Variants in GTF3C1 observed in about 807,000 individuals in gnomAD.
The protein encoded by GTF3C1 is general transcription factor 3C polypeptide 1.
A neutral mutation model predicts 226.7 loss-of-function variants in GTF3C1; 57 were observed. The ratio of observed to expected loss-of-function variants is 0.25; its 90% CI spans 0.20 to 0.31. GTF3C1 has a LOEUF of 0.31. GTF3C1 is among the 10% of genes least tolerant of loss of function. The pLI is 1.00. For synonymous variants in GTF3C1, 1,090 were observed against 1,084.8 expected (o/e 1.00, Z -0.09); for missense variants, 2,217 against 2,776.1 (o/e 0.80, Z 4.53).
chr16:27,549,795 C>T lies in GTF3C1; in HGVS notation c.96G>A (p.Val32=). 1 of 1,612,908 alleles carries T rather than the reference C, an allele frequency of 6.2e-7. No homozygotes were observed. The highest frequency in any genetic ancestry group is 8.5e-7 in the Non-Finnish European group (1 of 1,179,804). Residue 32 remains valine, a synonymous_variant, in exon 1 of 37, where the codon GTG becomes GTA. Coordinates refer to ENST00000356183, the MANE Select transcript of GTF3C1 (RefSeq NM_001520.4). ...GTTCCAAAGGCAGCGGGAAGGGCGG[C>T]ACTCGCGTCTCCAGCCGGCTCCACA... is the stretch of plus-strand genomic sequence containing the variant. ...PALWSRLETR[V]PPFPLPLEPC...
rs143407526 is a variant in GTF3C1, at chr16:27,461,669, C to A, written c.6118-107G>T. Reference sequence around the variant, plus strand: ...CCCCTCTGTACCAGGGAGCCACTTCCCAGAGCAGGGGGCACCTGAACTGGG... The same window carrying A: ...CCCCTCTGTACCAGGGAGCCACTTCACAGAGCAGGGGGCACCTGAACTGGG... On this transcript the variant is annotated intron_variant, in intron 36 of 36. Transcript: ENST00000356183. This position sits in a 1 kb window ranked among gnomAD's most constrained non-coding sequence, Gnocchi z 5.3. 89 of 829,326 alleles carry A rather than the reference C, an allele frequency of 1.1e-4. 1 individual carries two copies. Among genetic ancestry groups the A allele is most frequent in the South Asian group, 7.3e-4 (46 of 63,398 alleles). The allele number at this position is 829,326 out of a possible 1,614,324, so 51.4% of individuals were successfully genotyped here.
chr16:27,484,157 C>G, intron 25 of GTF3C1, 54 bp downstream of exon 25: 3 of 1,366,890 alleles, frequency 2.2e-6, no homozygotes, highest in Non-Finnish European at 3.1e-6. Flanking sequence ...GACTCTTAAG[C>G]AAACGGGATA....
rs765846551 is a variant in GTF3C1, at chr16:27,489,160, C to T, written c.3312G>A (p.Val1104=). The stretch of plus-strand genomic sequence containing the variant: ...CATCTCCAGGGATCAAGCCTTCATC[C>T]ACCACCTCACGGCTTCCACTAAAAG... ...LEYTTGSREV[V]DEGLIPGDGL... The change falls in exon 21 of 37, where the codon GTG becomes GTA. Residue 1104 remains valine, a synonymous_variant. Transcript: ENST00000356183. The T allele has an allele frequency of 1.2e-5, 19 of 1,614,042 alleles. No individual in the cohort carries two copies. In the Middle Eastern group the frequency reaches 1.2e-3, roughly 98 times the overall value.
Position 27,498,440 on chromosome 16 carries a change from C to CT in GTF3C1, c.2165+189dup, listed in dbSNP as rs372551488. On this transcript the variant is annotated intron_variant, in intron 13 of 36. Transcript: ENST00000356183. Reference sequence around the variant, plus strand: ...TCAGACAGAATAAAGACCATTAGGACTTTTTTTTTCCCCCTAAAGAATCCT... The same window carrying CT: ...TCAGACAGAATAAAGACCATTAGGACTTTTTTTTTTCCCCCTAAAGAATCCT... 5.9e-5 allele frequency among the ~76,000 whole-genome samples: 9 copies of CT among 151,872 alleles called. No individual in the cohort carries two copies. The South Asian group carries it at 1.3e-3, about 21-fold the overall frequency.
intron 6 of GTF3C1, among the ~76,000 whole-genome samples, chr16:27,519,067 A>C (rs1002793401): frequency 2.0e-5 from 3 of 152,150 alleles, no homozygotes; most frequent in African/African-American, 4.8e-5. Flanking sequence ...TTTGGAAATG[A>C]GAAAGAGACA....
Position 27,471,935 on chromosome 16 carries a change from G to A in GTF3C1, c.4354-15C>T, listed in dbSNP as rs12933827. On this transcript the variant is annotated splice_polypyrimidine_tract_variant and intron_variant, in intron 29 of 36. Coordinates refer to ENST00000356183, the MANE Select transcript of GTF3C1 (RefSeq NM_001520.4). The surrounding 1 kb of genome is among the most constrained non-coding windows in gnomAD (Gnocchi z 5.0). ...AGGCGGAAAGTCTGCAACACAGGGC[G>A]GCGAGGGTGAGTAGGGTTCTCCAGC... 0.022 allele frequency: 35,278 copies of A among 1,612,612 alleles called. 465 individuals carry two copies. Among genetic ancestry groups the A allele is most frequent in the Non-Finnish European group, 0.025 (29,957 of 1,178,732 alleles).
intron 6 of GTF3C1, among the ~76,000 whole-genome samples, chr16:27,516,938 A>C (rs1401558591): frequency 6.6e-6 from 1 of 152,168 alleles, no homozygotes; most frequent in East Asian, 1.9e-4. Context: ...AGCCTGGTGC[A>C]CATCTTTCCT....
chr16:27,514,298 G>T (rs901155283), intron 6 of GTF3C1, among the ~76,000 whole-genome samples: 9 of 152,294 alleles, frequency 5.9e-5, no homozygotes, highest in Non-Finnish European at 1.0e-4. Context: ...TGTGCTCCAG[G>T]CCCCTGCCCT....
At chr16:27,549,533 C>A in intron 1 of GTF3C1, 137 bp downstream of exon 1, 2 of 624,776 alleles carry the variant, frequency 3.2e-6, no homozygotes, top group Non-Finnish European at 5.6e-6. Flanking sequence ...ATTAGCCTTA[C>A]CGCCGTGCCC....
chr16:27,486,025 C>T lies in GTF3C1; in HGVS notation c.3830G>A (p.Arg1277His), dbSNP rs753839045. 3.1e-5 allele frequency: 50 copies of T among 1,610,314 alleles called. No homozygotes were observed. The highest frequency in any genetic ancestry group is 3.8e-5 in the Non-Finnish European group (45 of 1,177,742). The part of the protein sequence containing the change: ...MQEDGLLVLC[R>H]IASNVLNTKV... ...GGTGTTGAGGACATTGCTGGCAATG[C>T]GGCACAGCACAAGCAGCCCATCCTC... is the stretch of plus-strand genomic sequence containing the variant. The change falls in exon 24 of 37, where the codon CGC becomes CAC. Residue 1277 changes from arginine (R) to histidine (H), a missense_variant. By Grantham distance (29) the Arg-to-His change is conservative. Coordinates refer to ENST00000356183, the MANE Select transcript of GTF3C1 (RefSeq NM_001520.4).
At chr16:27,481,331 C>G (rs2088043579) in intron 26 of GTF3C1, 140 bp from the exon 27 acceptor site, 1 of 678,932 alleles carries the variant, frequency 1.5e-6, no homozygotes, top group Non-Finnish European at 2.6e-6. Flanking sequence ...CTCCCCTGGT[C>G]ACCTGTCATC....
In GTF3C1 at chr16:27,499,835, C is replaced by T. The variant is rs2088378303; in HGVS notation, c.2062-1102G>A. On this transcript the variant is annotated intron_variant, in intron 12 of 36. Transcript: ENST00000356183. ...ACGCACCAGCTCCAGCTCACATGGC[C>T]CCAGCAGATCAAAGGCTGCCAGCAG... Among the ~76,000 whole-genome samples the T allele has an allele frequency of 2.6e-5, 4 of 152,280 alleles. 1 individual carries two copies. Among genetic ancestry groups the T allele is most frequent in the Admixed American group, 2.6e-4 (4 of 15,288 alleles).
intron 6 of GTF3C1, among the ~76,000 whole-genome samples, chr16:27,520,454 C>T (rs1341287226): frequency 6.6e-6 from 1 of 151,684 alleles, no homozygotes; most frequent in African/African-American, 2.4e-5. Context: ...TTTTCTACTT[C>T]CCCCCACTCC....
At chr16:27,483,541 T>C (rs562771949) in intron 25 of GTF3C1, 1 of 455,714 alleles carries the variant, frequency 2.2e-6, no homozygotes, top group African/African-American at 2.0e-5. Flanking sequence ...CCACTAACCT[T>C]CACATCTCCA....
intron 1 of GTF3C1, among the ~76,000 whole-genome samples, chr16:27,547,396 T>A (rs1205339340): frequency 6.6e-6 from 1 of 152,154 alleles, no homozygotes; most frequent in Non-Finnish European, 1.5e-5. Flanking sequence ...TGAAGCTAAA[T>A]GTGTCACATG....
At chr16:27,477,470 A>G (rs930723830) in intron 28 of GTF3C1, among the ~76,000 whole-genome samples, 1 of 151,968 alleles carries the variant, frequency 6.6e-6, no homozygotes, top group African/African-American at 2.4e-5. Context: ...CGCCCAGCTA[A>G]TTTTTGTATT....
At chr16:27,514,413 T>C (rs981040214) in intron 6 of GTF3C1, among the ~76,000 whole-genome samples, 1 of 152,046 alleles carries the variant, frequency 6.6e-6, no homozygotes, top group African/African-American at 2.4e-5. Flanking sequence ...GAGCAAGAAC[T>C]ATCTGAAGGC....
rs138121569 is a variant in GTF3C1 at position 27,506,884 on chromosome 16, C to T, written c.1515G>A (p.Arg505=). 63 of 1,612,712 alleles carry T rather than the reference C, an allele frequency of 3.9e-5. No individual in the cohort carries two copies. The African/African-American group carries it at 7.9e-4, about 20-fold the overall frequency. Residue 505 remains arginine (R), a synonymous_variant, in exon 9 of 37, where the codon CGG becomes CGA. Transcript: ENST00000356183. ...QKDTRASANL[R]PKTQPHHSTP... ...TGGAGTGATGAGGCTGGGTCTTGGG[C>T]CGGAGGTTTGCAGAGGCTCTTGTGT...
intron 5 of GTF3C1, among the ~76,000 whole-genome samples, chr16:27,532,640 C>T (rs2088935651): frequency 6.6e-6 from 1 of 152,194 alleles, no homozygotes; most frequent in Non-Finnish European, 1.5e-5. Context: ...GTCCTCTCCC[C>T]TCCCCCTCAG....
Sources: gnomAD v4.1 joint callset for allele counts (sites outside exome capture counted in the v4.1 genomes callset) on GRCh38, gnomAD v4.1.1 for gene constraint, Gnocchi (gnomAD v3.1) non-coding constraint, MANE v1.5 for transcripts, NCBI Gene and HGNC (gene_info 2026-07-23, HGNC 2026-07-21) for gene names.